OSBPL10: variants seen among roughly 807,000 people sequenced by gnomAD.
OSBPL10 encodes the protein oxysterol binding protein like 10, also known as oxysterol-binding protein-related protein 10.
A neutral mutation model predicts 81.7 loss-of-function variants in OSBPL10; 49 were observed. The ratio of observed to expected loss-of-function variants is 0.60; its 90% confidence interval spans 0.48 to 0.76. OSBPL10 has a LOEUF of 0.76. OSBPL10 is among the 30% of genes least tolerant of loss of function. OSBPL10 has a pLI of 0.00. For synonymous variants in OSBPL10, 419 were observed against 383.6 expected (o/e 1.09, Z -1.08); for missense variants, 923 against 987.8 (o/e 0.93, Z 0.88).
intron 8 of OSBPL10, among the ~76,000 whole-genome samples, chr3:31,675,098 C>T (rs906762194): frequency 6.6e-6 from 1 of 152,176 alleles, no homozygotes; most frequent in South Asian, 2.1e-4. Flanking sequence ...ATATGTCTCC[C>T]TGGCACCATA....
chr3:31,895,064 C>T (rs1489859640), intron 1 of OSBPL10, among the ~76,000 whole-genome samples: 3 of 151,602 alleles, frequency 2.0e-5, no homozygotes, highest in South Asian at 2.1e-4. Flanking sequence ...CAAACCAACC[C>T]GGAAAAGCTA....
intron 3 of OSBPL10, among the ~76,000 whole-genome samples, chr3:31,874,883 G>C (rs1701413156): frequency 1.3e-5 from 2 of 151,962 alleles, no homozygotes; most frequent in Admixed American, 1.3e-4. Flanking sequence ...AGAGGTATAA[G>C]AATATATATG....
chr3:31,921,218 T>C (rs1696902920), intron 1 of OSBPL10, among the ~76,000 whole-genome samples: 1 of 152,202 alleles, frequency 6.6e-6, no homozygotes, highest in East Asian at 1.9e-4. Context: ...TGTGTATATA[T>C]ACACCTTAGT....
intron 2 of OSBPL10, among the ~76,000 whole-genome samples, chr3:31,996,330 G>T (rs981914430): frequency 6.6e-6 from 1 of 152,174 alleles, no homozygotes; most frequent in South Asian, 2.1e-4. Context: ...CAACCTGCTA[G>T]AGAGGACTTG....
intron 4 of OSBPL10, among the ~76,000 whole-genome samples, chr3:31,810,340 T>C (rs985020621): frequency 2.6e-5 from 4 of 152,216 alleles, no homozygotes; most frequent in African/African-American, 7.2e-5. Context: ...TTATATGTAA[T>C]ATGTCTCAAT....
intron 5 of OSBPL10, among the ~76,000 whole-genome samples, chr3:31,744,095 G>T (rs1198179922): frequency 2.6e-5 from 4 of 152,226 alleles, no homozygotes; most frequent in African/African-American, 9.6e-5. Context: ...AAGACACACA[G>T]TAGGTTGTTT....
At chr3:32,050,364 TC>T (rs1475192596) in intron 1 of OSBPL10, among the ~76,000 whole-genome samples, 1 of 152,192 alleles carries the variant, frequency 6.6e-6, no homozygotes, top group East Asian at 1.9e-4. Flanking sequence ...TGGGAATGAG[TC>T]CTTTCTGGTT....
chr3:31,681,130 G>T (rs916357487), intron 8 of OSBPL10, among the ~76,000 whole-genome samples: 8 of 152,168 alleles, frequency 5.3e-5, no homozygotes, highest in Non-Finnish European at 1.2e-4. Flanking sequence ...TGTGTCCCTA[G>T]CTTCCTACAC....
At chr3:31,854,471 T>C (rs1700855699) in intron 3 of OSBPL10, among the ~76,000 whole-genome samples, 1 of 152,184 alleles carries the variant, frequency 6.6e-6, no homozygotes, top group Non-Finnish European at 1.5e-5. Context: ...ATTCATATTA[T>C]TAACATGGAA....
intron 1 of OSBPL10, among the ~76,000 whole-genome samples, chr3:31,902,794 G>A (rs1696289132): frequency 1.3e-5 from 2 of 152,128 alleles, no homozygotes; most frequent in Non-Finnish European, 2.9e-5. Flanking sequence ...TCGATCTCCT[G>A]ACCTCGTGAT....
At chr3:31,965,765 G>T (rs1260232128) in intron 1 of OSBPL10, among the ~76,000 whole-genome samples, 41 of 45,484 alleles carry the variant, frequency 9.0e-4, no homozygotes, top group African/African-American at 2.6e-3. Context: ...TATATTAAAA[G>T]ATAATATATA....
intron 1 of OSBPL10, among the ~76,000 whole-genome samples, chr3:31,965,675 AAT>A (rs1338764626): frequency 9.9e-5 from 5 of 50,584 alleles, no homozygotes; most frequent in East Asian, 1.0e-3. Flanking sequence ...TATTTTATAT[AAT>A]ATATATTATA....
chr3:31,835,373 A>G (rs1277557222), intron 3 of OSBPL10, among the ~76,000 whole-genome samples: 1 of 129,556 alleles, frequency 7.7e-6, no homozygotes, highest in Non-Finnish European at 1.8e-5. Flanking sequence ...AATAGAAAAG[A>G]TCAGCTGGTC....
intron 4 of OSBPL10, among the ~76,000 whole-genome samples, chr3:31,788,505 G>C (rs1309184270): frequency 1.3e-5 from 2 of 152,138 alleles, no homozygotes; most frequent in African/African-American, 4.8e-5. Context: ...TTGGAAGAAA[G>C]AAGCCTGGAA....
intron 1 of OSBPL10, among the ~76,000 whole-genome samples, chr3:31,882,608 C>A (rs894206918): frequency 6.6e-6 from 1 of 152,234 alleles, no homozygotes; most frequent in African/African-American, 2.4e-5. Flanking sequence ...GCCTTCCCAG[C>A]ACTTAGGGTG....
chr3:31,711,051 T>C (rs2125614780), intron 6 of OSBPL10: 1 of 152,364 alleles, frequency 6.6e-6, no homozygotes, highest in East Asian at 1.9e-4. Context: ...TTCTTTCTCC[T>C]ACCCCTGGAG....
chr3:32,000,307 C>T (rs933591508), intron 2 of OSBPL10, among the ~76,000 whole-genome samples: 4 of 152,112 alleles, frequency 2.6e-5, no homozygotes, highest in Non-Finnish European at 4.4e-5. Context: ...GAGTTATATT[C>T]GGCTTATAAT....
At chr3:31,723,618 T>A (rs1050789558) in intron 6 of OSBPL10, among the ~76,000 whole-genome samples, 18 of 151,628 alleles carry the variant, frequency 1.2e-4, no homozygotes, top group African/African-American at 3.2e-4. Context: ...CCAAAAAAAA[T>A]TTTAAATTTA....
At chr3:31,793,572 C>G (rs968032210) in intron 4 of OSBPL10, among the ~76,000 whole-genome samples, 3 of 152,170 alleles carry the variant, frequency 2.0e-5, no homozygotes, top group African/African-American at 7.2e-5. Flanking sequence ...TACACATTCA[C>G]CTTCTTGAAA....
Sources: gnomAD v4.1 joint callset for allele counts (sites outside exome capture counted in the v4.1 genomes callset) on GRCh38, gnomAD v4.1.1 for gene constraint, MANE v1.5 for transcripts, NCBI Gene and HGNC (gene_info 2026-07-23, HGNC 2026-07-21) for gene names.